MAPK10: variants seen among roughly 807,000 people sequenced by gnomAD.
MAPK10 encodes JNK3 alpha protein kinase.
In MAPK10, 25 loss-of-function variants were observed where a neutral mutation model predicts 59.3. That is an observed-to-expected ratio of 0.42 (90% CI 0.31 to 0.59). The LOEUF is 0.59. MAPK10 is among the 20% of genes least tolerant of loss of function. The pLI is 0.15. For missense variants in MAPK10, 351 were observed against 568.9 expected (o/e 0.62, Z 3.90); for synonymous variants, 190 against 200.5 (o/e 0.95, Z 0.44).
intron 2 of MAPK10, among the ~76,000 whole-genome samples, chr4:86,320,123 G>A (rs17011682): frequency 6.6e-6 from 1 of 152,212 alleles, no homozygotes; most frequent in Non-Finnish European, 1.5e-5. Context: ...CTAAGTGGCT[G>A]TATGACCTTA....
rs1302865926 is a variant in MAPK10, at chr4:86,012,260, A to G, written c.*4968T>C. Reference sequence around the variant, plus strand: ...CACAGATTTCTACATGGTCACATTCATATCACACACTCTTGACCCAAGGTG... The same window carrying G: ...CACAGATTTCTACATGGTCACATTCGTATCACACACTCTTGACCCAAGGTG... On this transcript the variant is annotated 3_prime_UTR_variant, in exon 14 of 14. Coordinates refer to ENST00000641462, the MANE Select transcript of MAPK10 (RefSeq NM_138982.4). 1 of 152,196 alleles carries G rather than the reference A, an allele frequency of 6.6e-6. No homozygotes were observed. Among genetic ancestry groups the G allele is most frequent in the Non-Finnish European group, 1.5e-5 (1 of 68,022 alleles). The allele number at this position is 152,196 out of a possible 1,614,324, so 9.4% of individuals were successfully genotyped here.
At chr4:86,242,826 A>G (rs1464323829) in intron 2 of MAPK10, among the ~76,000 whole-genome samples, 1 of 152,036 alleles carries the variant, frequency 6.6e-6, no homozygotes, top group Non-Finnish European at 1.5e-5. Flanking sequence ...AGGAGCTCAA[A>G]TGCTTAGACA....
chr4:86,243,027 G>A lies in MAPK10; in HGVS notation c.-6-48620C>T, dbSNP rs530846628. Among the ~76,000 whole-genome samples, 7 of 152,334 alleles carry A rather than the reference G, an allele frequency of 4.6e-5. No homozygotes were observed. In the South Asian group the frequency reaches 8.3e-4, roughly 18 times the overall value. On this transcript the variant is annotated intron_variant, in intron 2 of 13. Coordinates refer to ENST00000641462, the MANE Select transcript of MAPK10 (RefSeq NM_138982.4). ...AGCACAGTTTTCCCAGCTGGGTAGC[G>A]CGCTCACTCACTGCCTCCCTTGGCT...
At chr4:86,548,122 C>T (rs1225748144) in intron 1 of MAPK10, among the ~76,000 whole-genome samples, 1 of 152,124 alleles carries the variant, frequency 6.6e-6, no homozygotes, top group Admixed American at 6.5e-5. Context: ...GTCCACACTG[C>T]TTTTATGAGC....
intron 2 of MAPK10, among the ~76,000 whole-genome samples, chr4:86,233,439 G>A (rs1036712355): frequency 8.6e-5 from 13 of 152,038 alleles, no homozygotes; most frequent in African/African-American, 2.4e-4. Flanking sequence ...ACAAAGACTC[G>A]GCTAAATGGG....
intron 1 of MAPK10, among the ~76,000 whole-genome samples, chr4:86,578,728 T>G (rs1184489039): frequency 1.3e-5 from 2 of 152,122 alleles, no homozygotes; most frequent in Non-Finnish European, 2.9e-5. Context: ...TAGCAGCAAA[T>G]ATTTGTAATG....
At chr4:86,493,981 G>T (rs1243866389) in intron 1 of MAPK10, among the ~76,000 whole-genome samples, 2 of 152,082 alleles carry the variant, frequency 1.3e-5, no homozygotes, top group African/African-American at 4.8e-5. Context: ...AAATTTCAGG[G>T]CAGGGAGGTT....
intron 2 of MAPK10, among the ~76,000 whole-genome samples, chr4:86,307,181 A>C (rs544009168): frequency 6.6e-6 from 1 of 152,294 alleles, no homozygotes; most frequent in Admixed American, 6.5e-5. Flanking sequence ...TTTCTGGTCC[A>C]TTACTTAGAA....
chr4:86,457,829 C>T (rs1056467654), upstream of MAPK10: 1 of 151,976 alleles, frequency 6.6e-6, no homozygotes, highest in Admixed American at 6.6e-5. Context: ...CATACGGAAC[C>T]AAAAAAGAGC....
chr4:86,087,897 C>T (rs949082002), intron 9 of MAPK10, among the ~76,000 whole-genome samples: 7 of 151,882 alleles, frequency 4.6e-5, no homozygotes, highest in East Asian at 1.9e-4. Context: ...TTAGAAACAA[C>T]GCAAATGGCT....
chr4:86,285,522 A>G (rs1458916101), intron 2 of MAPK10, among the ~76,000 whole-genome samples: 1 of 151,962 alleles, frequency 6.6e-6, no homozygotes, highest in African/African-American at 2.4e-5. Flanking sequence ...GCCTCTAAAA[A>G]CACTTCTAAG....
At chr4:86,582,094 C>G (rs1397277320) in intron 1 of MAPK10, among the ~76,000 whole-genome samples, 1 of 151,208 alleles carries the variant, frequency 6.6e-6, no homozygotes, top group Non-Finnish European at 1.5e-5. Context: ...AGGCTTTTTT[C>G]TTTGTCTTCA....
chr4:86,129,956 G>C (rs1178702318), intron 4 of MAPK10, among the ~76,000 whole-genome samples: 1 of 152,090 alleles, frequency 6.6e-6, no homozygotes, highest in Admixed American at 6.6e-5. Context: ...TTCTTTCTGG[G>C]CTATTGGCAA....
chr4:86,102,188 T>C (rs1580275748), intron 6 of MAPK10, 156 bp from the exon 7 acceptor site: 1 of 645,456 alleles, frequency 1.5e-6, no homozygotes, highest in Non-Finnish European at 2.7e-6. Flanking sequence ...ATTGCATGTG[T>C]GTTAGCTATA....
intron 2 of MAPK10, among the ~76,000 whole-genome samples, chr4:86,312,492 CAAATGTATT>C (rs2095690398): frequency 6.6e-6 from 1 of 151,986 alleles, no homozygotes. Flanking sequence ...AGGTGAATAG[CAAATGTATT>C]ACATTGTATC....
intron 1 of MAPK10, among the ~76,000 whole-genome samples, chr4:86,388,755 TAATA>T (rs1430154902): frequency 2.0e-5 from 3 of 152,200 alleles, no homozygotes; most frequent in East Asian, 3.9e-4. Context: ...AAATCAATAT[TAATA>T]AATAATAGAA....
chr4:86,351,579 AT>A (rs1171290474), intron 2 of MAPK10, among the ~76,000 whole-genome samples: 1 of 151,932 alleles, frequency 6.6e-6, no homozygotes, highest in East Asian at 1.9e-4. Flanking sequence ...TTATGCACTT[AT>A]TTTTTTAACT....
intron 2 of MAPK10, among the ~76,000 whole-genome samples, chr4:86,195,908 T>G (rs2081191593): frequency 6.6e-6 from 1 of 152,234 alleles, no homozygotes; most frequent in African/African-American, 2.4e-5. Flanking sequence ...CTCATCCTCT[T>G]TACGGATGCA....
chr4:86,482,689 T>C (rs1277024691), intron 1 of MAPK10, among the ~76,000 whole-genome samples: 3 of 152,152 alleles, frequency 2.0e-5, no homozygotes, highest in Admixed American at 6.6e-5. Flanking sequence ...TGGAACTAAA[T>C]TGAAGCATAT....
Sources: gnomAD v4.1 joint callset for allele counts (sites outside exome capture counted in the v4.1 genomes callset) on GRCh38, gnomAD v4.1.1 for gene constraint, MANE v1.5 for transcripts, NCBI Gene and HGNC (gene_info 2026-07-23, HGNC 2026-07-21) for gene names.